Variants in FAM117A observed in about 807,000 individuals in gnomAD.
FAM117A encodes the protein protein FAM117A.
In FAM117A, 21 loss-of-function variants were observed where a neutral mutation model predicts 44.1. That is an observed-to-expected ratio of 0.48 (90% CI 0.34 to 0.69). The LOEUF (loss-of-function observed/expected upper bound fraction) is 0.69, where lower values mean the gene tolerates loss of function less well. Ranked by LOEUF, FAM117A falls within the 30% of genes least tolerant of loss-of-function variation. The pLI, the probability that FAM117A is intolerant of heterozygous loss-of-function variation, is 0.01. For synonymous variants in FAM117A, 220 were observed against 238.3 expected, an observed-to-expected ratio of 0.92 and a Z score of 0.71; for missense variants, 498 against 589.9, an observed-to-expected ratio of 0.84 and a Z score of 1.61.
chr17:49,731,817 G>T (rs2073586500), intron 2 of FAM117A, among the ~76,000 whole-genome samples: 2 of 152,080 alleles, frequency 1.3e-5, no homozygotes, highest in South Asian at 4.2e-4. Context: ...ATGGAGTCTT[G>T]CTCTGTCACC....
intron 1 of FAM117A, among the ~76,000 whole-genome samples, chr17:49,786,485 G>A (rs771844566): frequency 6.6e-6 from 1 of 152,140 alleles, no homozygotes; most frequent in Non-Finnish European, 1.5e-5. Context: ...CCATTGGAAA[G>A]GATGGTATGA....
chr17:49,758,127 G>C (rs924533581), intron 1 of FAM117A, among the ~76,000 whole-genome samples: 12 of 151,890 alleles, frequency 7.9e-5, no homozygotes, highest in African/African-American at 2.9e-4. Context: ...TCAGATGTTG[G>C]AGACCAGCCT....
At chr17:49,738,742 C>G (rs76727822) in intron 1 of FAM117A, among the ~76,000 whole-genome samples, 1 of 152,128 alleles carries the variant, frequency 6.6e-6, no homozygotes, top group East Asian at 1.9e-4. Flanking sequence ...CATGTCCCAG[C>G]TCTTTTGAGG....
Position 49,722,511 on chromosome 17 carries a change from G to C in FAM117A, c.450C>G (p.Asp150Glu), listed in dbSNP as rs1256287158. The C allele has an allele frequency of 9.9e-6, 16 of 1,613,838 alleles. No homozygotes were observed. The highest frequency in any genetic ancestry group is 1.7e-5 in the Admixed American group (1 of 60,002). The change falls in exon 3 of 8, where the codon GAC becomes GAG. Residue 150 changes from aspartate to glutamate, a missense_variant. Transcript: ENST00000240364. The part of the protein sequence containing the change: ...HKRSASWGST[D>E]HRKEISKLKQ... ...AGTGGGTAGCTACCTCTTTTCGGTG[G>C]TCTGTGCTGCCCCAGGATGCTGAGC...
chr17:49,724,433 G>A, intron 2 of FAM117A: 1 of 456,278 alleles, frequency 2.2e-6, no homozygotes, highest in South Asian at 1.5e-5. Flanking sequence ...GCCACATTCA[G>A]GCCGCCACGG....
chr17:49,768,855 T>C (rs941117694), upstream of FAM117A, among the ~76,000 whole-genome samples: 2 of 152,370 alleles, frequency 1.3e-5, no homozygotes, highest in African/African-American at 4.8e-5. Context: ...TGACTCATTT[T>C]GTCCCTTGCT....
chr17:49,759,668 C>T (rs190166706), intron 1 of FAM117A, among the ~76,000 whole-genome samples: 5 of 152,326 alleles, frequency 3.3e-5, no homozygotes, highest in Non-Finnish European at 7.3e-5. Flanking sequence ...CTCTAATATG[C>T]AACCTCCTTT....
At chr17:49,748,518 A>G (rs2073662575) in intron 1 of FAM117A, among the ~76,000 whole-genome samples, 1 of 152,220 alleles carries the variant, frequency 6.6e-6, no homozygotes, top group Non-Finnish European at 1.5e-5. Flanking sequence ...CAGTGTGTAT[A>G]ACTTCATCAC....
chr17:49,757,556 G>A (rs553881321), intron 1 of FAM117A, among the ~76,000 whole-genome samples: 23 of 152,060 alleles, frequency 1.5e-4, no homozygotes, highest in Non-Finnish European at 2.8e-4. Context: ...AGCTGAGCCC[G>A]AACACTAGCA....
At chr17:49,756,491 T>A (rs561409319) in intron 1 of FAM117A, among the ~76,000 whole-genome samples, 2 of 151,400 alleles carry the variant, frequency 1.3e-5, no homozygotes, top group African/African-American at 2.4e-5. Flanking sequence ...ATTTACAAGA[T>A]AGAGAGTTCA....
At chr17:49,749,497 A>AGGTCAGG (rs1378817244) in intron 1 of FAM117A, among the ~76,000 whole-genome samples, 24 of 145,372 alleles carry the variant, frequency 1.7e-4, no homozygotes, top group South Asian at 2.2e-4. Flanking sequence ...GAATCGCCTG[A>AGGTCAGG]ATCTGGGAGG....
At chr17:49,760,125 G>A (rs1175812505) in intron 1 of FAM117A, among the ~76,000 whole-genome samples, 1 of 152,128 alleles carries the variant, frequency 6.6e-6, no homozygotes, top group East Asian at 1.9e-4. Context: ...ACAATGGTGG[G>A]GGTGGAGAGG....
intron 7 of FAM117A, among the ~76,000 whole-genome samples, chr17:49,715,622 C>A (rs962938391): frequency 6.6e-6 from 1 of 152,134 alleles, no homozygotes; most frequent in Non-Finnish European, 1.5e-5. Context: ...TCCTTACTTG[C>A]AAGGACTGGA....
At chr17:49,735,989 A>T (rs1228527105) in intron 1 of FAM117A, among the ~76,000 whole-genome samples, 1 of 152,248 alleles carries the variant, frequency 6.6e-6, no homozygotes, top group Non-Finnish European at 1.5e-5. Flanking sequence ...ATATAAATAT[A>T]AACAAACAGA....
intron 1 of FAM117A, among the ~76,000 whole-genome samples, chr17:49,742,708 G>A (rs2073639620): frequency 6.6e-6 from 1 of 152,136 alleles, no homozygotes; most frequent in South Asian, 2.1e-4. Flanking sequence ...TGGGTTTCTG[G>A]AGGGCTGTTT....
At chr17:49,765,267 G>A (rs1401410250), upstream of FAM117A, among the ~76,000 whole-genome samples, 1 of 152,156 alleles carries the variant, frequency 6.6e-6, no homozygotes, top group East Asian at 1.9e-4. Context: ...TGTGATTGGG[G>A]ACCATTCAAA....
At chr17:49,734,596 A>G (rs1340431453) in intron 1 of FAM117A, among the ~76,000 whole-genome samples, 1 of 152,008 alleles carries the variant, frequency 6.6e-6, no homozygotes, top group Non-Finnish European at 1.5e-5. Flanking sequence ...CATCTCAAAA[A>G]ATAAATAAAT....
At chr17:49,731,939 C>T (rs953173737) in intron 2 of FAM117A, among the ~76,000 whole-genome samples, 1 of 152,122 alleles carries the variant, frequency 6.6e-6, no homozygotes, top group African/African-American at 2.4e-5. Context: ...GCACCCACCA[C>T]CACGCCCAGC....
chr17:49,750,254 C>T (rs542160481), intron 1 of FAM117A, among the ~76,000 whole-genome samples: 1 of 148,992 alleles, frequency 6.7e-6, no homozygotes, highest in East Asian at 1.9e-4. Flanking sequence ...CATGTCCACA[C>T]GCAAGACAGA....
Sources: allele counts gnomAD v4.1 joint callset (sites outside exome capture counted in the v4.1 genomes callset), GRCh38; gene constraint gnomAD v4.1.1; transcripts MANE v1.5; gene names NCBI Gene and HGNC (gene_info 2026-07-23, HGNC 2026-07-21).